The following UBE3D variants were observed in gnomAD, a reference collection of about 807,000 sequenced individuals.
UBE3D encodes the protein ubiquitin protein ligase E3D, also known as E3 ubiquitin-protein ligase E3D.
UBE3D carries 48 observed loss-of-function variants against 49.6 expected under a neutral mutation model. That is an observed-to-expected ratio of 0.97 (90% CI 0.77 to 1.23). The LOEUF is 1.23. UBE3D is among the 50% of genes most tolerant of loss of function. The pLI is 0.00. For synonymous variants in UBE3D, 189 were observed against 174.2 expected (o/e 1.08, Z -0.67); for missense variants, 452 against 468.4 (o/e 0.96, Z 0.32).
At chr6:82,932,960 T>C (rs548682018) in intron 9 of UBE3D, among the ~76,000 whole-genome samples, 1 of 152,244 alleles carries the variant, frequency 6.6e-6, no homozygotes, top group South Asian at 2.1e-4. Flanking sequence ...TTGTCTGTTA[T>C]AAAGAATGTG....
chr6:83,041,918 A>ATT (rs552781241), intron 4 of UBE3D, among the ~76,000 whole-genome samples: 190 of 148,608 alleles, frequency 1.3e-3, no homozygotes, highest in African/African-American at 4.4e-3. Flanking sequence ...CTATTATATA[A>ATT]TTTTTTTTTT....
intron 9 of UBE3D, among the ~76,000 whole-genome samples, chr6:82,947,510 ATTTCT>A (rs149831086): frequency 0.16 from 24,521 of 151,530 alleles, 1,990 homozygotes; most frequent in South Asian, 0.17. Context: ...TAAATTTTTA[ATTTCT>A]TTTCTTTTCT....
intron 9 of UBE3D, among the ~76,000 whole-genome samples, chr6:82,953,546 C>A (rs967906109): frequency 6.6e-6 from 1 of 152,158 alleles, no homozygotes; most frequent in African/African-American, 2.4e-5. Context: ...CTGTGTAACC[C>A]AGCTCAGTCT....
intron 9 of UBE3D, among the ~76,000 whole-genome samples, chr6:82,896,127 T>G (rs770414784): frequency 1.3e-5 from 2 of 152,224 alleles, no homozygotes; most frequent in South Asian, 4.1e-4. Flanking sequence ...TTATTCCTTA[T>G]ATTTAAAAGA....
chr6:83,055,053 G>A (rs1319985711), intron 2 of UBE3D, among the ~76,000 whole-genome samples: 1 of 152,062 alleles, frequency 6.6e-6, no homozygotes, highest in Non-Finnish European at 1.5e-5. Flanking sequence ...CACCTCCCTG[G>A]GAATGAAATG....
intron 9 of UBE3D, among the ~76,000 whole-genome samples, chr6:82,954,759 A>G (rs1445185797): frequency 1.3e-5 from 2 of 152,196 alleles, no homozygotes; most frequent in Non-Finnish European, 2.9e-5. Flanking sequence ...TGGGTGGTAC[A>G]AAGATGAAAA....
intron 9 of UBE3D, among the ~76,000 whole-genome samples, chr6:82,923,571 G>C (rs151264000): frequency 6.6e-6 from 1 of 152,246 alleles, no homozygotes; most frequent in East Asian, 1.9e-4. Flanking sequence ...CTGTGGGGGT[G>C]GGGGGCTAGG....
intron 9 of UBE3D, among the ~76,000 whole-genome samples, chr6:82,897,362 G>A (rs550480453): frequency 6.6e-6 from 1 of 152,092 alleles, no homozygotes; most frequent in South Asian, 2.1e-4. Flanking sequence ...AGGCTGAGGT[G>A]GGTGGATCAC....
chr6:82,976,542 C>T (rs976445599), intron 8 of UBE3D, among the ~76,000 whole-genome samples: 2 of 152,124 alleles, frequency 1.3e-5, no homozygotes, highest in African/African-American at 4.8e-5. Flanking sequence ...AGTTTTTACA[C>T]TTGTATTGCC....
intron 9 of UBE3D, among the ~76,000 whole-genome samples, chr6:82,897,950 T>C (rs1156564421): frequency 1.3e-5 from 2 of 152,096 alleles, no homozygotes; most frequent in African/African-American, 2.4e-5. Context: ...AGGACTAATA[T>C]CCAGAATCTA....
intron 4 of UBE3D, among the ~76,000 whole-genome samples, chr6:83,039,643 GTTTTA>G (rs547793565): frequency 6.3e-4 from 96 of 151,582 alleles, no homozygotes; most frequent in South Asian, 1.5e-3. Context: ...TTTTTGTTTT[GTTTTA>G]TTTTGTTTTG....
intron 9 of UBE3D, among the ~76,000 whole-genome samples, chr6:82,951,644 G>C (rs1775805651): frequency 6.6e-6 from 1 of 152,186 alleles, no homozygotes; most frequent in African/African-American, 2.4e-5. Context: ...AGTGTACAGA[G>C]TGGATGAGTG....
intron 9 of UBE3D, among the ~76,000 whole-genome samples, chr6:82,929,068 A>T (rs1479945466): frequency 6.6e-6 from 1 of 152,216 alleles, no homozygotes; most frequent in Non-Finnish European, 1.5e-5. Context: ...TATGATCTAA[A>T]TCCAAGGATG....
Position 82,892,806 on chromosome 6 carries a change from C to A in UBE3D, c.*216G>T. 1.8e-6 allele frequency: 1 copy of A among 567,834 alleles called. No individual in the cohort carries two copies. The highest frequency in any genetic ancestry group is 2.8e-5 in the Admixed American group (1 of 35,790). 35.2% of individuals were successfully genotyped at this position (567,834 alleles called of 1,614,324 possible). Reference sequence around the variant, plus strand: ...CACTTGCCTCAACCTGCTACTATGACTTTCTTCACAGTCCTGGGTTTTCAA... The same window carrying A: ...CACTTGCCTCAACCTGCTACTATGAATTTCTTCACAGTCCTGGGTTTTCAA... On this transcript the variant is annotated 3_prime_UTR_variant, in exon 10 of 10. Transcript: ENST00000369747.
At chr6:82,944,633 C>A (rs961298009) in intron 9 of UBE3D, among the ~76,000 whole-genome samples, 4 of 152,192 alleles carry the variant, frequency 2.6e-5, no homozygotes, top group Admixed American at 6.5e-5. Context: ...AGCTTGGTCA[C>A]AGTTGGGTAG....
At chr6:83,064,384 C>T (rs1487270581) in intron 1 of UBE3D, among the ~76,000 whole-genome samples, 1 of 152,120 alleles carries the variant, frequency 6.6e-6, no homozygotes, top group East Asian at 1.9e-4. Context: ...CGCGCCACCA[C>T]ACCCAGCTAA....
At chr6:82,902,554 T>A (rs1279139468) in intron 9 of UBE3D, among the ~76,000 whole-genome samples, 2 of 152,174 alleles carry the variant, frequency 1.3e-5, no homozygotes, top group African/African-American at 4.8e-5. Flanking sequence ...TACATAACAT[T>A]TTTGAATTGA....
intron 4 of UBE3D, among the ~76,000 whole-genome samples, chr6:83,043,283 C>G (rs1782798707): frequency 6.6e-6 from 1 of 151,870 alleles, no homozygotes; most frequent in African/African-American, 2.4e-5. Flanking sequence ...AAATGTATAG[C>G]TTAATCATAA....
At chr6:83,000,440 T>C (rs981365008) in intron 8 of UBE3D, among the ~76,000 whole-genome samples, 5 of 152,198 alleles carry the variant, frequency 3.3e-5, no homozygotes, top group African/African-American at 1.2e-4. Flanking sequence ...ACTAAGTATC[T>C]CTCAAATCTA....
Sources: allele counts gnomAD v4.1 joint callset (sites outside exome capture counted in the v4.1 genomes callset), GRCh38; gene constraint gnomAD v4.1.1; transcripts MANE v1.5; gene names NCBI Gene and HGNC (gene_info 2026-07-23, HGNC 2026-07-21).